Variants in CSMD1 observed in about 807,000 individuals in gnomAD.
CSMD1 encodes CUB and Sushi multiple domains 1.
CSMD1 carries 213 observed loss-of-function variants against 417.5 expected under a neutral mutation model. The observed-to-expected ratio is 0.51, with a 90% CI of 0.46 to 0.57. The LOEUF is 0.57. CSMD1 is among the 20% of genes least tolerant of loss of function. The probability of loss-of-function intolerance (pLI) is 0.00; values close to 1 mark genes in which losing one functional copy is unlikely to be tolerated. For missense variants in CSMD1, 6,923 were observed against 4,529.7 expected, an observed-to-expected ratio of 1.53 and a Z score of -15.17; for synonymous variants, 2,862 against 1,736.8, an observed-to-expected ratio of 1.65 and a Z score of -16.11.
chr8:4,933,926 A>G (rs1807424935), intron 1 of CSMD1, among the ~76,000 whole-genome samples: 1 of 152,202 alleles, frequency 6.6e-6, no homozygotes, highest in Non-Finnish European at 1.5e-5. Flanking sequence ...TAAATTTCAT[A>G]ATAGGCAGAA....
At chr8:4,149,681 A>G (rs988138514) in intron 3 of CSMD1, among the ~76,000 whole-genome samples, 1 of 152,218 alleles carries the variant, frequency 6.6e-6, no homozygotes, top group African/African-American at 2.4e-5. Context: ...ACACTGAAGG[A>G]ATAAACAATG....
rs535082332 is a variant in CSMD1, at chr8:3,989,497, C to T, written c.818+8406G>A. Among the ~76,000 whole-genome samples, 4 of 152,288 alleles carry T rather than the reference C, an allele frequency of 2.6e-5. No individual in the cohort carries two copies. The South Asian group carries it at 8.3e-4, about 32-fold the overall frequency. On this transcript the variant is annotated intron_variant, in intron 5 of 69. Coordinates refer to ENST00000635120, the MANE Select transcript of CSMD1 (RefSeq NM_033225.6). ...ACAAAAAACCTGGATTCTCTTCTAG[C>T]CAACTAATAATACTCCACAGGGTAG...
rs1022211617 is a variant in CSMD1 at position 3,045,371 on chromosome 8, A to C, written c.7660+7091T>G. Among the ~76,000 whole-genome samples, 4 of 152,042 alleles carry C rather than the reference A, an allele frequency of 2.6e-5. No individual in the cohort carries two copies. The South Asian group carries it at 8.3e-4, about 31-fold the overall frequency. On this transcript the variant is annotated intron_variant, in intron 50 of 69. Coordinates refer to ENST00000635120, the MANE Select transcript of CSMD1 (RefSeq NM_033225.6). The stretch of plus-strand genomic sequence containing the variant: ...TGTAACTTCTTTAAAGCAATTGTAC[A>C]TCTAGATATGTATTTTAAAACAAAA...
chr8:4,949,448 G>A (rs1808589078), intron 1 of CSMD1, among the ~76,000 whole-genome samples: 1 of 152,112 alleles, frequency 6.6e-6, no homozygotes, highest in South Asian at 2.1e-4. Context: ...ATTATTTATA[G>A]AAAAATATTC....
At chr8:3,142,372 T>G (rs1245767647) in intron 41 of CSMD1, 93 bp downstream of exon 41, 5 of 1,117,346 alleles carry the variant, frequency 4.5e-6, no homozygotes, top group Non-Finnish European at 6.5e-6. Flanking sequence ...TCGTACAAGC[T>G]TGGAACCAGT....
intron 3 of CSMD1, among the ~76,000 whole-genome samples, chr8:4,090,939 G>C (rs1554444614): frequency 6.7e-6 from 1 of 149,374 alleles, no homozygotes; most frequent in Non-Finnish European, 1.5e-5. Flanking sequence ...TCTTTTTTGA[G>C]ATGGGGTCTT....
At chr8:4,457,591 C>G (rs191648225) in intron 2 of CSMD1, among the ~76,000 whole-genome samples, 264 of 151,730 alleles carry the variant, frequency 1.7e-3, no homozygotes, top group African/African-American at 6.2e-3. Flanking sequence ...TCAAATGCAC[C>G]CTACATTGCT....
intron 2 of CSMD1, among the ~76,000 whole-genome samples, chr8:4,532,435 T>C (rs1389837610): frequency 7.5e-6 from 1 of 133,722 alleles, no homozygotes; most frequent in African/African-American, 2.9e-5. Context: ...TGCACCTTCA[T>C]TCACAGTCAC....
intron 30 of CSMD1, among the ~76,000 whole-genome samples, chr8:3,211,749 C>A (rs537319274): frequency 1.3e-5 from 2 of 152,218 alleles, no homozygotes; most frequent in Non-Finnish European, 2.9e-5. Context: ...CGGCCCTGCC[C>A]GCACTGGCCA....
At chr8:3,865,845 G>C (rs1805059124) in intron 5 of CSMD1, among the ~76,000 whole-genome samples, 1 of 152,026 alleles carries the variant, frequency 6.6e-6, no homozygotes, top group African/African-American at 2.4e-5. Context: ...CTCCATTTGA[G>C]CTGGAAACAC....
At chr8:4,544,801 G>A (rs1797560041) in intron 2 of CSMD1, among the ~76,000 whole-genome samples, 2 of 152,224 alleles carry the variant, frequency 1.3e-5, no homozygotes, top group South Asian at 4.2e-4. Context: ...CCAAAAACCT[G>A]AATTAGCTAC....
chr8:4,568,571 C>G (rs1045345133), intron 2 of CSMD1, among the ~76,000 whole-genome samples: 1 of 152,114 alleles, frequency 6.6e-6, no homozygotes, highest in African/African-American at 2.4e-5. Context: ...AATGGTGCTG[C>G]AATACACATA....
At chr8:3,958,282 G>C (rs1001237506) in intron 5 of CSMD1, among the ~76,000 whole-genome samples, 3 of 150,202 alleles carry the variant, frequency 2.0e-5, no homozygotes, top group African/African-American at 7.3e-5. Context: ...GTTTTTTGTG[G>C]GGATGTGGAA....
At chr8:3,569,931 G>A (rs529065108) in intron 10 of CSMD1, among the ~76,000 whole-genome samples, 3 of 152,130 alleles carry the variant, frequency 2.0e-5, no homozygotes, top group Admixed American at 1.3e-4. Flanking sequence ...ATTTTCTGAA[G>A]CAATATAACA....
Position 3,396,321 on chromosome 8 carries a change from G to C in CSMD1, c.2466C>G (p.Ser822=), listed in dbSNP as rs543424640. 3 of 1,607,994 alleles carry C rather than the reference G, an allele frequency of 1.9e-6. No homozygotes were observed. Among genetic ancestry groups the C allele is most frequent in the Non-Finnish European group, 8.5e-7 (1 of 1,177,348 alleles). ...LEVRDGPASS[S]PLIGEYHGTQ... is the part of the protein sequence containing the mutation. ...TGCCGTGGTACTCGCCGATCAGTGG[G>C]GACGAACTGGCTGGCCCATCTCTGA... The change falls in exon 17 of 70, where the codon TCC becomes TCG. Residue 822 remains serine, a synonymous_variant. Coordinates refer to ENST00000635120, the MANE Select transcript of CSMD1 (RefSeq NM_033225.6).
chr8:4,791,945 CT>C (rs5889063), intron 1 of CSMD1, among the ~76,000 whole-genome samples: 5 of 150,952 alleles, frequency 3.3e-5, no homozygotes, highest in Admixed American at 2.0e-4. Context: ...GTTAGTTTTC[CT>C]TTTTTTTTAA....
In CSMD1 at chr8:4,447,849, A is replaced by G. The variant is rs185284446; in HGVS notation, c.303-27784T>C. ...TTCAAAGATTTAAGTGATAAACTTA[A>G]AAAAGTGTAAGTAGAGGAGGCTCGA... On this transcript the variant is annotated intron_variant, in intron 2 of 69. Transcript: ENST00000635120. 2.1e-4 allele frequency among the ~76,000 whole-genome samples: 32 copies of G among 149,984 alleles called. No homozygotes were observed. The East Asian group carries it at 5.8e-3, about 27-fold the overall frequency.
intron 10 of CSMD1, among the ~76,000 whole-genome samples, chr8:3,567,396 T>C (rs1165415937): frequency 1.3e-5 from 2 of 151,398 alleles, no homozygotes; most frequent in East Asian, 2.0e-4. Context: ...CAAACCTGCA[T>C]GTGTATCCCT....
intron 1 of CSMD1, among the ~76,000 whole-genome samples, chr8:4,799,670 C>CTTTA (rs1798173186): frequency 1.4e-5 from 2 of 138,282 alleles, no homozygotes; most frequent in East Asian, 4.5e-4. Context: ...AAAATTGGGA[C>CTTTA]TTTATTTTCA....
Sources: allele counts gnomAD v4.1 joint callset (sites outside exome capture counted in the v4.1 genomes callset), GRCh38; gene constraint gnomAD v4.1.1; transcripts MANE v1.5; gene names NCBI Gene and HGNC (gene_info 2026-07-23, HGNC 2026-07-21).